Variants in CDKAL1 observed in about 807,000 individuals in gnomAD.
CDKAL1 encodes the protein threonylcarbamoyladenosine tRNA methylthiotransferase.
In CDKAL1, 32 loss-of-function variants were observed where a neutral mutation model predicts 68.2. The ratio of observed to expected loss-of-function variants is 0.47; its 90% confidence interval spans 0.35 to 0.63. The LOEUF (loss-of-function observed/expected upper bound fraction) is 0.63, where lower values mean the gene tolerates loss of function less well. Ranked by LOEUF, CDKAL1 falls within the 30% of genes least tolerant of loss-of-function variation. CDKAL1 has a pLI of 0.00. For synonymous variants in CDKAL1, 234 were observed against 244.3 expected, an observed-to-expected ratio of 0.96 and a Z score of 0.39; for missense variants, 606 against 696.7, an observed-to-expected ratio of 0.87 and a Z score of 1.47.
At chr6:21,001,084 A>G (rs1294801867) in intron 11 of CDKAL1, among the ~76,000 whole-genome samples, 1 of 152,224 alleles carries the variant, frequency 6.6e-6, no homozygotes, top group African/African-American at 2.4e-5. Context: ...GGCCCAGGTC[A>G]CACAGAGCCT....
intron 10 of CDKAL1, among the ~76,000 whole-genome samples, chr6:20,989,735 T>C (rs886360071): frequency 2.0e-5 from 3 of 152,234 alleles, no homozygotes; most frequent in Non-Finnish European, 4.4e-5. Context: ...ATATAATGTT[T>C]GTTTGAATCA....
At chr6:20,794,919 CAAAATACCAGA>C (rs1233296927) in intron 8 of CDKAL1, among the ~76,000 whole-genome samples, 1 of 152,034 alleles carries the variant, frequency 6.6e-6, no homozygotes, top group African/African-American at 2.4e-5. Context: ...ATATGTAGGT[CAAAATACCAGA>C]AACTGGTATC....
intron 4 of CDKAL1, among the ~76,000 whole-genome samples, chr6:20,630,828 A>G (rs918374393): frequency 1.3e-5 from 2 of 152,028 alleles, no homozygotes; most frequent in Non-Finnish European, 2.9e-5. Context: ...ATCTCTTTCT[A>G]TTTCTGTTTC....
intron 13 of CDKAL1, among the ~76,000 whole-genome samples, chr6:21,168,589 A>G (rs949163272): frequency 1.3e-5 from 2 of 152,222 alleles, no homozygotes; most frequent in Admixed American, 6.5e-5. Context: ...ACAATTGGGA[A>G]AAGTGGAAGG....
chr6:21,166,775 TAATC>T (rs1777172554), intron 13 of CDKAL1, among the ~76,000 whole-genome samples: 1 of 152,202 alleles, frequency 6.6e-6, no homozygotes, highest in Admixed American at 6.5e-5. Flanking sequence ...AGCAGAGAGA[TAATC>T]AAGTAACTGT....
intron 4 of CDKAL1, among the ~76,000 whole-genome samples, chr6:20,586,089 GCAAATCCTGCTGGCTCTA>G (rs1391208139): frequency 7.9e-5 from 12 of 152,126 alleles, no homozygotes; most frequent in Non-Finnish European, 1.5e-4. Context: ...GAGTCTATCA[GCAAATCCTGCTGGCTCTA>G]CCTTTAAGCA....
At chr6:21,076,626 G>T (rs1209420318) in intron 12 of CDKAL1, among the ~76,000 whole-genome samples, 1 of 152,116 alleles carries the variant, frequency 6.6e-6, no homozygotes, top group East Asian at 1.9e-4. Flanking sequence ...TTGGAGGAAA[G>T]AGAAAAAATA....
rs556057542 is a variant in CDKAL1, at chr6:21,218,988, A to G, written c.1549-11860A>G. On this transcript the variant is annotated intron_variant, in intron 15 of 15. Coordinates refer to ENST00000274695, the MANE Select transcript of CDKAL1 (RefSeq NM_017774.3). ...TTAAGTGCCTTTCCATAGGATCATT[A>G]TTTTTTACTTTTAAAAACTATATTC... Among the ~76,000 whole-genome samples, 3 of 152,262 alleles carry G rather than the reference A, an allele frequency of 2.0e-5. No individual in the cohort carries two copies. In the South Asian group the frequency reaches 6.2e-4, roughly 32 times the overall value.
chr6:20,797,791 T>G lies in CDKAL1; in HGVS notation c.638+16526T>G, dbSNP rs190345087. On this transcript the variant is annotated intron_variant, in intron 8 of 15. Transcript: ENST00000274695. ...TTTATTTTATTTTATTTTATTTTAT[T>G]TTATTTTATTTTATTTTATTTTATT... 1.9e-3 allele frequency among the ~76,000 whole-genome samples: 279 copies of G among 146,508 alleles called. 1 individual carries two copies. The highest frequency in any genetic ancestry group is 6.6e-3 in the African/African-American group (258 of 39,198).
At chr6:20,585,499 T>C (rs1765314612) in intron 4 of CDKAL1, among the ~76,000 whole-genome samples, 1 of 152,250 alleles carries the variant, frequency 6.6e-6, no homozygotes, top group Non-Finnish European at 1.5e-5. Flanking sequence ...TCTAGTTCAC[T>C]CTACGGAGGC....
At chr6:20,680,053 A>T (rs1037901813) in intron 5 of CDKAL1, among the ~76,000 whole-genome samples, 1 of 148,076 alleles carries the variant, frequency 6.8e-6, no homozygotes, top group African/African-American at 2.5e-5. Flanking sequence ...TTTCTCTTTG[A>T]CTTTTAATTT....
chr6:20,642,061 T>C (rs1407721080), intron 4 of CDKAL1, among the ~76,000 whole-genome samples: 1 of 152,184 alleles, frequency 6.6e-6, no homozygotes, highest in Non-Finnish European at 1.5e-5. Flanking sequence ...TACGAGAATA[T>C]AGGATCTCAT....
chr6:20,627,325 G>GATT (rs1767476840), intron 4 of CDKAL1, among the ~76,000 whole-genome samples: 1 of 152,070 alleles, frequency 6.6e-6, no homozygotes, highest in African/African-American at 2.4e-5. Context: ...GGGAGAATTA[G>GATT]AAACTCAAAA....
In CDKAL1 at chr6:21,062,937, C is replaced by T. The variant is rs150395758; in HGVS notation, c.1056-2111C>T. 1.1e-3 allele frequency among the ~76,000 whole-genome samples: 167 copies of T among 151,904 alleles called. 3 individuals are homozygous for T. In the East Asian group the frequency reaches 0.014, roughly 13 times the overall value. On this transcript the variant is annotated intron_variant, in intron 11 of 15. Transcript: ENST00000274695. ...TTGTTTGTTTGTTTGTTTTTTGAGACGAAGTCTTGTTCTGTCACCCAGACT... is the reference window on the plus strand; with the variant it reads ...TTGTTTGTTTGTTTGTTTTTTGAGATGAAGTCTTGTTCTGTCACCCAGACT...
intron 15 of CDKAL1, among the ~76,000 whole-genome samples, chr6:21,205,675 A>T (rs867552947): frequency 8.3e-5 from 10 of 120,076 alleles, no homozygotes; most frequent in African/African-American, 1.9e-4. Flanking sequence ...GGACCACAGG[A>T]ACCCGCCACC....
intron 4 of CDKAL1, among the ~76,000 whole-genome samples, chr6:20,606,998 T>C (rs539856627): frequency 6.6e-6 from 1 of 152,286 alleles, no homozygotes; most frequent in Admixed American, 6.5e-5. Flanking sequence ...TTCAGGCTTA[T>C]AGGGTTTAGG....
intron 12 of CDKAL1, among the ~76,000 whole-genome samples, chr6:21,074,846 G>C (rs913298346): frequency 2.0e-5 from 3 of 151,802 alleles, no homozygotes; most frequent in African/African-American, 7.3e-5. Context: ...GAGTACACAT[G>C]GTTTGTGGTT....
intron 4 of CDKAL1, among the ~76,000 whole-genome samples, chr6:20,570,523 C>T (rs1764657707): frequency 6.6e-6 from 1 of 152,156 alleles, no homozygotes; most frequent in Non-Finnish European, 1.5e-5. Flanking sequence ...GCCTTGGCCT[C>T]CCGAGTAGCT....
At chr6:20,592,620 C>G (rs899110483) in intron 4 of CDKAL1, among the ~76,000 whole-genome samples, 1 of 152,112 alleles carries the variant, frequency 6.6e-6, no homozygotes, top group Non-Finnish European at 1.5e-5. Flanking sequence ...AGGCATGTGC[C>G]ACCATGCCTG....
Sources: gnomAD v4.1 joint callset for allele counts (sites outside exome capture counted in the v4.1 genomes callset) on GRCh38, gnomAD v4.1.1 for gene constraint, MANE v1.5 for transcripts, NCBI Gene and HGNC (gene_info 2026-07-23, HGNC 2026-07-21) for gene names.